Variants in EPB41 observed in about 807,000 individuals in gnomAD.
EPB41 encodes the protein erythrocyte membrane protein band 4.1.
A neutral mutation model predicts 108.0 loss-of-function variants in EPB41; 65 were observed. That is an observed-to-expected ratio of 0.60 (90% CI 0.49 to 0.74). The LOEUF (loss-of-function observed/expected upper bound fraction) is 0.74. EPB41 is among the 30% of genes least tolerant of loss of function. EPB41 has a pLI of 0.00. For synonymous variants in EPB41, 336 were observed against 358.9 expected (o/e 0.94, Z 0.72); for missense variants, 875 against 1,037.0 (o/e 0.84, Z 2.15).
At chr1:29,037,802 G>A (rs898667587) in intron 10 of EPB41, among the ~76,000 whole-genome samples, 1 of 152,128 alleles carries the variant, frequency 6.6e-6, no homozygotes, top group Non-Finnish European at 1.5e-5. Flanking sequence ...TCAAAGTGCT[G>A]TGATTACAGG....
chr1:28,935,514 G>T (rs2093984850), intron 1 of EPB41, among the ~76,000 whole-genome samples: 1 of 125,532 alleles, frequency 8.0e-6, no homozygotes, highest in Admixed American at 9.4e-5. Context: ...TAACTGCTTA[G>T]TTGATCTTCT....
Position 29,015,656 on chromosome 1 carries a change from T to C in EPB41, c.830-36T>C, listed in dbSNP as rs768099144. 4.8e-6 allele frequency: 6 copies of C among 1,243,308 alleles called. No homozygotes were observed. The Admixed American group carries it at 5.1e-5, about 11-fold the overall frequency. The allele number at this position is 1,243,308 out of a possible 1,614,324, so 77.0% of individuals were successfully genotyped here. ...TACTTCCAACAATTAGAAACTTAGG[T>C]ATAAACGTAAAATTCTTTTGTGTTT... is the stretch of plus-strand genomic sequence containing the variant. On this transcript the variant is annotated intron_variant, in intron 5 of 20. Transcript: ENST00000343067.
intron 1 of EPB41, among the ~76,000 whole-genome samples, chr1:28,892,524 C>A (rs1286812061): frequency 6.6e-6 from 1 of 151,958 alleles, no homozygotes; most frequent in Non-Finnish European, 1.5e-5. Flanking sequence ...GAGTTTGAGA[C>A]CAGCCTGACT....
rs149962963 is a variant in EPB41 at position 29,058,641 on chromosome 1, C to G, written c.1898C>G (p.Thr633Arg). 7.2e-4 allele frequency: 1,162 copies of G among 1,613,688 alleles called. No individual in the cohort carries two copies. Among genetic ancestry groups the G allele is most frequent in the Non-Finnish European group, 9.4e-4 (1,109 of 1,179,754 alleles). Residue 633 changes from threonine (T) to arginine (R), a missense_variant, in exon 13 of 21, where the codon ACA becomes AGA. Thr to Arg is a moderately conservative substitution (Grantham distance 71). Around this residue, in one of 3 missense-constraint regions of EPB41, gnomAD observed 519 missense variants for 627.3 expected, o/e 0.83. Coordinates refer to ENST00000343067, the MANE Select transcript of EPB41 (RefSeq NM_001376013.1). ...VTVPTSNGDQ[T>R]QKLAEKTEDL... is the part of the protein sequence containing the mutation. The stretch of plus-strand genomic sequence containing the variant: ...GTACCCACCTCAAATGGTGACCAAA[C>G]ACAGGTTTGTGCCAATAGGCCACTT...
chr1:28,969,581 C>T (rs1404047442), intron 1 of EPB41, among the ~76,000 whole-genome samples: 2 of 150,926 alleles, frequency 1.3e-5, no homozygotes, highest in Admixed American at 6.6e-5. Context: ...CTGGCTAACA[C>T]GGTGAAACCC....
chr1:28,917,266 GTA>G (rs1409536137), intron 1 of EPB41, among the ~76,000 whole-genome samples: 7 of 151,560 alleles, frequency 4.6e-5, no homozygotes, highest in Non-Finnish European at 7.4e-5. Context: ...GTGTGTGTGT[GTA>G]TGTGTGTGTG....
chr1:29,072,683 A>T (rs1430421298), intron 16 of EPB41: 1 of 152,186 alleles, frequency 6.6e-6, no homozygotes, highest in Non-Finnish European at 1.5e-5. Context: ...TTAAGAGGAG[A>T]ATGGCCAAGC....
At chr1:29,002,357 T>G (rs2096310888) in intron 4 of EPB41, among the ~76,000 whole-genome samples, 2 of 151,052 alleles carry the variant, frequency 1.3e-5, no homozygotes, top group Admixed American at 1.3e-4. Flanking sequence ...TAGGTTGAGG[T>G]GGGAGGATAA....
intron 7 of EPB41, among the ~76,000 whole-genome samples, chr1:29,027,893 C>T (rs901266180): frequency 2.0e-5 from 3 of 152,098 alleles, no homozygotes; most frequent in African/African-American, 2.4e-5. Context: ...GACGCAATCT[C>T]GGCTCACCAC....
intron 10 of EPB41, among the ~76,000 whole-genome samples, chr1:29,037,208 A>G (rs931554514): frequency 1.3e-5 from 2 of 152,082 alleles, no homozygotes; most frequent in South Asian, 4.1e-4. Flanking sequence ...CAGCCTCCCA[A>G]GTAGCTGGGA....
At chr1:28,968,801 C>T (rs1338911084) in intron 1 of EPB41, among the ~76,000 whole-genome samples, 11 of 151,912 alleles carry the variant, frequency 7.2e-5, no homozygotes, top group East Asian at 1.9e-4. Context: ...CCCGTCTCTA[C>T]TAAAAATACA....
chr1:29,113,926 G>A (rs563683346), intron 19 of EPB41, among the ~76,000 whole-genome samples: 5 of 152,078 alleles, frequency 3.3e-5, no homozygotes, highest in Non-Finnish European at 5.9e-5. Flanking sequence ...AGAGGTGGGC[G>A]GAGGCAGAGT....
chr1:29,050,344 C>T (rs1573103523), intron 11 of EPB41, among the ~76,000 whole-genome samples: 1 of 152,232 alleles, frequency 6.6e-6, no homozygotes, highest in African/African-American at 2.4e-5. Context: ...TTTGGCTCTG[C>T]AGTATTAGTA....
intron 16 of EPB41, among the ~76,000 whole-genome samples, chr1:29,084,230 A>T (rs1285359882): frequency 6.6e-6 from 1 of 152,278 alleles, no homozygotes; most frequent in Admixed American, 6.5e-5. Flanking sequence ...TTCTCAATCT[A>T]TGTCAATCTT....
At chr1:28,902,822 T>A (rs1347803205) in intron 1 of EPB41, among the ~76,000 whole-genome samples, 1 of 152,132 alleles carries the variant, frequency 6.6e-6, no homozygotes, top group East Asian at 1.9e-4. Flanking sequence ...TGACTTGCTG[T>A]GTGTTCTTAG....
chr1:29,050,663 T>C (rs1467040883), intron 11 of EPB41, among the ~76,000 whole-genome samples: 1 of 152,022 alleles, frequency 6.6e-6, no homozygotes, highest in Admixed American at 6.6e-5. Context: ...AGATTTTTCA[T>C]GGAAAGATAA....
intron 1 of EPB41, among the ~76,000 whole-genome samples, chr1:28,952,345 G>A (rs2094766932): frequency 6.6e-6 from 1 of 152,040 alleles, no homozygotes; most frequent in Admixed American, 6.6e-5. Context: ...GACCAACATG[G>A]TGAAACCCTG....
chr1:28,917,248 C>G (rs149932), intron 1 of EPB41, among the ~76,000 whole-genome samples: 42,775 of 149,496 alleles, frequency 0.29, 7,509 homozygotes, highest in African/African-American at 0.52. Context: ...ATCTCTCTCT[C>G]TGTGTGTGTG....
chr1:28,974,943 C>T (rs937344226), intron 1 of EPB41, among the ~76,000 whole-genome samples: 3 of 151,802 alleles, frequency 2.0e-5, no homozygotes, highest in African/African-American at 7.3e-5. Context: ...TACAGGCATG[C>T]GCCACCACCC....
Sources: gnomAD v4.1 joint callset for allele counts (sites outside exome capture counted in the v4.1 genomes callset) on GRCh38, gnomAD v4.1.1 for gene constraint, gnomAD v4.1.1 regional missense constraint, MANE v1.5 for transcripts, NCBI Gene and HGNC (gene_info 2026-07-23, HGNC 2026-07-21) for gene names.